The following SEPTIN8 variants were observed in gnomAD, a reference collection of about 807,000 sequenced individuals.
SEPTIN8 encodes septin 8.
In SEPTIN8, 22 loss-of-function variants were observed where a neutral mutation model predicts 53.1. The observed-to-expected ratio is 0.41, with a 90% CI of 0.30 to 0.59. The LOEUF (loss-of-function observed/expected upper bound fraction) is 0.59. Ranked by LOEUF, SEPTIN8 falls within the 20% of genes least tolerant of loss-of-function variation. The probability of loss-of-function intolerance (pLI) is 0.24; values close to 1 mark genes in which losing one functional copy is unlikely to be tolerated. For synonymous variants in SEPTIN8, 228 were observed against 248.4 expected (o/e 0.92, Z 0.77); for missense variants, 536 against 638.7 (o/e 0.84, Z 1.73).
chr5:132,764,350 G>C lies in SEPTIN8; in HGVS notation c.221C>G (p.Ala74Gly). ...LFNTTFETEE[A>G]SHHEACVRLR... ...GCGCACGCATGCCTCATGGTGACTG[G>C]CTTCCTCAGTCTCGAAGGTCGTGTT... Residue 74 changes from alanine to glycine, a missense_variant, in exon 3 of 10, where the codon GCC becomes GGC. By Grantham distance (60) the Ala-to-Gly change is moderately conservative. Around this residue, in one of 3 missense-constraint regions of SEPTIN8, gnomAD observed 395 missense variants for 451.8 expected, o/e 0.87. Transcript: ENST00000378719. 1.2e-6 allele frequency: 2 copies of C among 1,614,220 alleles called. No homozygotes were observed.
In SEPTIN8 at chr5:132,752,044, TCC is replaced by T; in HGVS notation, c.1422_1423del (p.Asp475CysfsTer46). The T allele has an allele frequency of 1.2e-6, 2 of 1,611,206 alleles. No homozygotes were observed. The highest frequency in any genetic ancestry group is 1.7e-6 in the Non-Finnish European group (2 of 1,178,876). On this transcript the variant is annotated frameshift_variant, in exon 10 of 10. Transcript: ENST00000378719. LOFTEE classifies it high-confidence loss of function. ...GAGGAATCCTTCCCTCCACGTCGCA[TCC>T]CTGACCAGGCAGCTGCAGCACTGTA...
At chr5:132,754,419 T>G (rs1439298037) in intron 9 of SEPTIN8, 1 of 717,496 alleles carries the variant, frequency 1.4e-6, no homozygotes, top group Non-Finnish European at 2.6e-6. Context: ...CATACCAGTT[T>G]AGGCATCCCA....
intron 9 of SEPTIN8, chr5:132,757,116 G>A (rs554154974): frequency 1.4e-5 from 14 of 983,908 alleles, no homozygotes; most frequent in Middle Eastern, 5.2e-4. Context: ...TTATTGTGAC[G>A]CTAAGGAAGC....
intron 1 of SEPTIN8, among the ~76,000 whole-genome samples, chr5:132,769,835 G>C (rs1479483925): frequency 1.3e-5 from 2 of 151,152 alleles, no homozygotes; most frequent in Admixed American, 1.3e-4. Flanking sequence ...GGAGAGGTGG[G>C]AATGGCAGAG....
chr5:132,760,990 G>A lies in SEPTIN8; in HGVS notation c.1098C>T (p.Leu366=), dbSNP rs1017143012. Residue 366 remains leucine (L), a splice_region_variant and synonymous_variant, in exon 9 of 10, where the codon CTC becomes CTT. Coordinates refer to ENST00000378719, the MANE Select transcript of SEPTIN8 (RefSeq NM_001098811.2). The surrounding 1 kb of genome is among the most constrained non-coding windows in gnomAD (Gnocchi z 5.2). ...GCTTCAGGTGCTCAAACTTCTCATGGAGCTGGCATCAGAAAGGGGGCAGAA... is the reference window on the plus strand; with the variant it reads ...GCTTCAGGTGCTCAAACTTCTCATGAAGCTGGCATCAGAAAGGGGGCAGAA... ...ELELKEKERE[L]HEKFEHLKRV... is the part of the protein sequence containing the mutation. The A allele has an allele frequency of 6.3e-7, 1 of 1,581,052 alleles. No individual in the cohort carries two copies.
At chr5:132,774,443 G>A (rs1196330981) in intron 1 of SEPTIN8, among the ~76,000 whole-genome samples, 1 of 152,184 alleles carries the variant, frequency 6.6e-6, no homozygotes, top group Non-Finnish European at 1.5e-5. Context: ...TAGGAGGAGG[G>A]GCACAGCAAG....
At chr5:132,755,951 T>C in intron 9 of SEPTIN8, 2 of 949,094 alleles carry the variant, frequency 2.1e-6, no homozygotes, top group Non-Finnish European at 2.4e-6. Flanking sequence ...ATTAATGGGC[T>C]CAGGAAACGT....
At chr5:132,765,870 CAGG>C (rs1436748591) in intron 1 of SEPTIN8, among the ~76,000 whole-genome samples, 2 of 152,212 alleles carry the variant, frequency 1.3e-5, no homozygotes, top group African/African-American at 4.8e-5. Context: ...TTTTCCTACT[CAGG>C]AGGAGGCCCC....
rs58651985 is a variant in SEPTIN8 at position 132,760,431 on chromosome 5, A to G, written c.1286+371T>C. 0.091 allele frequency among the ~76,000 whole-genome samples: 13,846 copies of G among 152,104 alleles called. 2,054 individuals are homozygous for G. Among genetic ancestry groups the G allele is most frequent in the African/African-American group, 0.31 (12,966 of 41,444 alleles). ...GCAGCCCCACCTTCACCACGCTGCA[A>G]CAGGGCCACAGCTGCCAAGGGGGCT... On this transcript the variant is annotated intron_variant, in intron 9 of 9. Transcript: ENST00000378719. This position sits in a 1 kb window ranked among gnomAD's most constrained non-coding sequence, Gnocchi z 5.2.
chr5:132,760,755 G>T lies in SEPTIN8; in HGVS notation c.1286+47C>A, dbSNP rs376154724. ...GTGAGGGACAAGAACGAAAGCAAGAGCCCACAGGAGCAAGAGGAGCCAGCG... is the reference window on the plus strand; with the variant it reads ...GTGAGGGACAAGAACGAAAGCAAGATCCCACAGGAGCAAGAGGAGCCAGCG... On this transcript the variant is annotated intron_variant, in intron 9 of 9. Coordinates refer to ENST00000378719, the MANE Select transcript of SEPTIN8 (RefSeq NM_001098811.2). This position sits in a 1 kb window ranked among gnomAD's most constrained non-coding sequence, Gnocchi z 5.2. 4.6e-5 allele frequency: 71 copies of T among 1,558,582 alleles called. No homozygotes were observed. Among genetic ancestry groups the T allele is most frequent in the Admixed American group, 7.2e-5 (4 of 55,486 alleles).
In SEPTIN8 at chr5:132,751,799, G is replaced by T. The variant is rs1754865461; in HGVS notation, c.*217C>A. ...GAGTGGAAGCTCAGCTTGGCCACAG[G>T]ATGGGCATTAAGCCTCAAGCCCCTT... On this transcript the variant is annotated 3_prime_UTR_variant, in exon 10 of 10. Transcript: ENST00000378719. 2.5e-6 allele frequency: 2 copies of T among 786,404 alleles called. No homozygotes were observed. The highest frequency in any genetic ancestry group is 5.4e-5 in the East Asian group (2 of 36,820). The allele number at this position is 786,404 out of a possible 1,614,324, so 48.7% of individuals were successfully genotyped here.
At position 132,750,960 on chromosome 5, in the gene SEPTIN8, A is replaced by G; in HGVS notation, c.*1056T>C. 1 of 1,614,242 alleles carries G rather than the reference A, an allele frequency of 6.2e-7. No individual in the cohort carries two copies. Among genetic ancestry groups the G allele is most frequent in the Non-Finnish European group, 8.5e-7 (1 of 1,180,038 alleles). On this transcript the variant is annotated 3_prime_UTR_variant, in exon 10 of 10. Transcript: ENST00000378719. ...GCTATTCTGGACAGACTGCACTGGG[A>G]CCTCTATATTGGGACGCCGCTGGAC...
At chr5:132,762,091 C>A (rs916356894) in intron 5 of SEPTIN8, among the ~76,000 whole-genome samples, 195 bp from the exon 6 acceptor site, 1 of 152,162 alleles carries the variant, frequency 6.6e-6, no homozygotes, top group Non-Finnish European at 1.5e-5. Context: ...AACCCTCAAC[C>A]CCCTCCCTGG....
At chr5:132,754,715 T>C (rs1755178859) in intron 9 of SEPTIN8, among the ~76,000 whole-genome samples, 1 of 152,214 alleles carries the variant, frequency 6.6e-6, no homozygotes, top group African/African-American at 2.4e-5. Flanking sequence ...CCCATCCTAC[T>C]TCCCTCTAAT....
chr5:132,751,963 C>A lies in SEPTIN8; in HGVS notation c.*53G>T. The A allele has an allele frequency of 6.2e-7, 1 of 1,607,112 alleles. No individual in the cohort carries two copies. Among genetic ancestry groups the A allele is most frequent in the Non-Finnish European group, 8.5e-7 (1 of 1,176,752 alleles). ...TTCTAACATTAAAAACCATGGTCTC[C>A]AGTTCCATGCCCTGGTGGTCCTGAG... On this transcript the variant is annotated 3_prime_UTR_variant, in exon 10 of 10. Coordinates refer to ENST00000378719, the MANE Select transcript of SEPTIN8 (RefSeq NM_001098811.2).
chr5:132,752,903 T>C (rs1754984965), intron 9 of SEPTIN8: 4 of 1,614,166 alleles, frequency 2.5e-6, no homozygotes, highest in Non-Finnish European at 3.4e-6. Context: ...AAGGAACTTG[T>C]AATGCAGCAA....
chr5:132,752,043 A>C lies in SEPTIN8; in HGVS notation c.1425T>G (p.Asp475Glu). Reference protein sequence around the residue: ...AIQCCSCLVRDATWREGFL With the variant: ...AIQCCSCLVREATWREGFL ...AGAGGAATCCTTCCCTCCACGTCGC[A>C]TCCCTGACCAGGCAGCTGCAGCACT... The change falls in exon 10 of 10, where the codon GAT (aspartate) becomes GAG (glutamate). Residue 475 changes from aspartate (D) to glutamate (E), a missense_variant. By Grantham distance (45) the Asp-to-Glu change is conservative. Transcript: ENST00000378719. 1 of 1,611,134 alleles carries C rather than the reference A, an allele frequency of 6.2e-7. No individual in the cohort carries two copies. Among genetic ancestry groups the C allele is most frequent in the South Asian group, 1.1e-5 (1 of 89,888 alleles).
intron 1 of SEPTIN8, among the ~76,000 whole-genome samples, chr5:132,766,896 G>C (rs901431136): frequency 1.3e-5 from 2 of 152,006 alleles, no homozygotes; most frequent in Non-Finnish European, 2.9e-5. Flanking sequence ...CTCCCAACCA[G>C]AGAACCTTGG....
chr5:132,770,380 A>T (rs910237740), intron 1 of SEPTIN8, among the ~76,000 whole-genome samples: 2 of 151,488 alleles, frequency 1.3e-5, no homozygotes, highest in African/African-American at 4.9e-5. Flanking sequence ...GGGTTTCACT[A>T]TGTTGGCCAG....
Sources: allele counts gnomAD v4.1 joint callset (sites outside exome capture counted in the v4.1 genomes callset), GRCh38; gene constraint gnomAD v4.1.1; regional missense constraint gnomAD v4.1.1; non-coding constraint Gnocchi (gnomAD v3.1); transcripts MANE v1.5; gene names NCBI Gene and HGNC (gene_info 2026-07-23, HGNC 2026-07-21).